Variants in XKR9 observed in about 807,000 individuals in gnomAD.
XKR9 encodes XK related 9, also known as XK-related protein 9.
XKR9 carries 32 observed loss-of-function variants against 32.0 expected under a neutral mutation model. The ratio of observed to expected loss-of-function variants is 1.00; its 90% CI spans 0.76 to 1.34. The LOEUF (loss-of-function observed/expected upper bound fraction) is 1.34, where lower values mean the gene tolerates loss of function less well. Ranked by LOEUF, XKR9 falls within the 40% of genes most tolerant of loss-of-function variation. The probability of loss-of-function intolerance (pLI) is 0.00; values close to 1 mark genes in which losing one functional copy is unlikely to be tolerated. For missense variants in XKR9, 546 were observed against 429.7 expected (o/e 1.27, Z -2.39); for synonymous variants, 168 against 143.4 (o/e 1.17, Z -1.22).
the XKR9 span, among the ~76,000 whole-genome samples, chr8:70,927,680 T>A: frequency 6.6e-6 from 1 of 152,136 alleles, no homozygotes; most frequent in African/African-American, 2.4e-5. Flanking sequence ...AGAACCCTCA[T>A]GACTTAATCA....
chr8:70,740,375 T>G (rs1423845289), downstream of XKR9, among the ~76,000 whole-genome samples: 2 of 152,076 alleles, frequency 1.3e-5, no homozygotes, highest in Non-Finnish European at 2.9e-5. Flanking sequence ...TTGTCTAAAT[T>G]TTTTTCAAAG....
downstream of XKR9, among the ~76,000 whole-genome samples, chr8:70,740,493 T>G (rs1233612379): frequency 1.3e-5 from 2 of 152,178 alleles, no homozygotes; most frequent in Non-Finnish European, 2.9e-5. Flanking sequence ...CTGTCCAGCT[T>G]TGTTCTGTTG....
At chr8:70,710,173 A>G (rs554673296) in intron 4 of XKR9, among the ~76,000 whole-genome samples, 10 of 152,312 alleles carry the variant, frequency 6.6e-5, no homozygotes, top group African/African-American at 2.4e-4. Flanking sequence ...CAGAGTCGAC[A>G]GTAACAAGCA....
intron 3 of XKR9, among the ~76,000 whole-genome samples, chr8:70,700,610 G>T (rs1450892570): frequency 6.6e-6 from 1 of 152,208 alleles, no homozygotes; most frequent in African/African-American, 2.4e-5. Flanking sequence ...TTGCCTCCCA[G>T]TTAGGCTGCT....
At chr8:70,717,816 T>C (rs550480168) in intron 4 of XKR9, among the ~76,000 whole-genome samples, 1 of 152,294 alleles carries the variant, frequency 6.6e-6, no homozygotes, top group East Asian at 1.9e-4. Flanking sequence ...TTTACAGCAT[T>C]GTCAGGCTGC....
At chr8:70,834,442 T>C in the XKR9 span, among the ~76,000 whole-genome samples, 1 of 152,288 alleles carries the variant, frequency 6.6e-6, no homozygotes, top group South Asian at 2.1e-4. Flanking sequence ...CATTTTTACA[T>C]GTGCTACTGC....
the XKR9 span, among the ~76,000 whole-genome samples, chr8:70,799,291 A>G: frequency 6.6e-6 from 1 of 152,176 alleles, no homozygotes; most frequent in African/African-American, 2.4e-5. Context: ...ATTCCTAAGC[A>G]TCTTATTCTT....
chr8:70,703,280 G>A (rs962894251), intron 3 of XKR9, among the ~76,000 whole-genome samples: 2 of 151,460 alleles, frequency 1.3e-5, no homozygotes, highest in Non-Finnish European at 2.9e-5. Context: ...TAGTTTGGGT[G>A]ATTTCTCTTG....
chr8:70,778,435 T>G (rs1807563601), intron 2 of XKR9, among the ~76,000 whole-genome samples: 1 of 152,186 alleles, frequency 6.6e-6, no homozygotes, highest in Non-Finnish European at 1.5e-5. Flanking sequence ...TGTGAGCTCT[T>G]TTTTGGTTCC....
At chr8:70,754,979 C>CTACAAAATG (rs1249459753) in intron 2 of XKR9, among the ~76,000 whole-genome samples, 1 of 151,868 alleles carries the variant, frequency 6.6e-6, no homozygotes, top group Non-Finnish European at 1.5e-5. Context: ...AACAGGCAAC[C>CTACAAAATG]TACAAAATGG....
At chr8:70,953,347 T>G in the XKR9 span, among the ~76,000 whole-genome samples, 3 of 152,368 alleles carry the variant, frequency 2.0e-5, no homozygotes, top group Non-Finnish European at 2.9e-5. Context: ...GGTCTTGCTC[T>G]GTCACCTAGG....
chr8:70,862,172 C>G, the XKR9 span, among the ~76,000 whole-genome samples: 48,496 of 151,938 alleles, frequency 0.32, 9,090 homozygotes, highest in Non-Finnish European at 0.43. Context: ...CCCTGGAGAA[C>G]AAAGTCAACT....
chr8:70,883,717 C>T, the XKR9 span, among the ~76,000 whole-genome samples: 1 of 152,010 alleles, frequency 6.6e-6, no homozygotes, highest in Non-Finnish European at 1.5e-5. Flanking sequence ...GCTTCATAGC[C>T]TAGTTTTAAT....
the XKR9 span, among the ~76,000 whole-genome samples, chr8:70,796,675 G>A: frequency 2.0e-5 from 3 of 152,100 alleles, no homozygotes; most frequent in African/African-American, 4.8e-5. Flanking sequence ...GCATATCACT[G>A]TAAGGTAAAT....
At chr8:70,688,747 A>C (rs1411743124) in intron 3 of XKR9, among the ~76,000 whole-genome samples, 1 of 151,928 alleles carries the variant, frequency 6.6e-6, no homozygotes, top group Non-Finnish European at 1.5e-5. Context: ...ATTGGAAAAA[A>C]AAGGAAGCAA....
the XKR9 span, among the ~76,000 whole-genome samples, chr8:71,053,110 T>A: frequency 6.6e-6 from 1 of 152,212 alleles, no homozygotes; most frequent in Admixed American, 6.5e-5. Context: ...TTGCCTTCCG[T>A]ATATATTAGT....
At chr8:70,750,532 T>C (rs1807124926) in intron 2 of XKR9, among the ~76,000 whole-genome samples, 1 of 152,206 alleles carries the variant, frequency 6.6e-6, no homozygotes, top group Non-Finnish European at 1.5e-5. Flanking sequence ...TAGATGTACA[T>C]CTTTTTTAAA....
chr8:70,780,260 T>C (rs1477408647), intron 2 of XKR9, among the ~76,000 whole-genome samples: 1 of 151,984 alleles, frequency 6.6e-6, no homozygotes, highest in Non-Finnish European at 1.5e-5. Context: ...AAATTTTTAT[T>C]ATTTCTTACT....
At chr8:70,808,171 G>A in the XKR9 span, among the ~76,000 whole-genome samples, 1 of 152,008 alleles carries the variant, frequency 6.6e-6, no homozygotes, top group African/African-American at 2.4e-5. Context: ...ATGACTCCTG[G>A]GTAAATAATG....
Sources: gnomAD v4.1 joint callset for allele counts (sites outside exome capture counted in the v4.1 genomes callset) on GRCh38, gnomAD v4.1.1 for gene constraint, MANE v1.5 for transcripts, NCBI Gene and HGNC (gene_info 2026-07-23, HGNC 2026-07-21) for gene names.